The following NTN4 variants were observed in gnomAD, a reference collection of about 807,000 sequenced individuals.
NTN4 encodes the protein netrin-4.
In NTN4, 32 loss-of-function variants were observed where a neutral mutation model predicts 73.6. The ratio of observed to expected loss-of-function variants is 0.44; its 90% CI spans 0.33 to 0.58. The LOEUF is 0.58. Among genes scored for constraint, NTN4 ranks in the 20% least tolerant of loss-of-function variants. The probability of loss-of-function intolerance (pLI) is 0.04; values close to 1 mark genes in which losing one functional copy is unlikely to be tolerated. For missense variants in NTN4, 654 were observed against 798.3 expected (o/e 0.82, Z 2.18); for synonymous variants, 258 against 287.5 (o/e 0.90, Z 1.04).
At chr12:95,732,316 T>C (rs1447188627) in intron 3 of NTN4, among the ~76,000 whole-genome samples, 2 of 151,838 alleles carry the variant, frequency 1.3e-5, no homozygotes, top group East Asian at 1.9e-4. Flanking sequence ...TTAATAACTT[T>C]ATCGTTTTTA....
At chr12:95,663,726 T>G (rs1396704396) in intron 9 of NTN4, 1 of 152,246 alleles carries the variant, frequency 6.6e-6, no homozygotes, top group Non-Finnish European at 1.5e-5. Context: ...TAAACATGTT[T>G]TCAAGAATTC....
chr12:95,790,936 G>GT (rs1438681115), upstream of NTN4, among the ~76,000 whole-genome samples: 4 of 149,224 alleles, frequency 2.7e-5, 1 homozygote, highest in Non-Finnish European at 6.0e-5. This position sits in a 1 kb window ranked among gnomAD's most constrained non-coding sequence, Gnocchi z 6.5. Flanking sequence ...CCCGGGGGGG[G>GT]GGTCCCCCGC....
chr12:95,668,053 G>A (rs1372673678), intron 8 of NTN4, among the ~76,000 whole-genome samples: 1 of 151,742 alleles, frequency 6.6e-6, no homozygotes, highest in Non-Finnish European at 1.5e-5. Context: ...TATTCCACTA[G>A]ACTTGTAAGC....
chr12:95,768,865 A>T (rs12367837), intron 2 of NTN4, among the ~76,000 whole-genome samples: 52,066 of 151,920 alleles, frequency 0.34, 9,531 homozygotes, highest in East Asian at 0.62. Context: ...ATGGGATAGG[A>T]CCTGGTGGAT....
At chr12:95,676,664 G>A (rs1447831040) in intron 7 of NTN4, among the ~76,000 whole-genome samples, 1 of 150,828 alleles carries the variant, frequency 6.6e-6, no homozygotes, top group East Asian at 1.9e-4. Flanking sequence ...GACTCACAAA[G>A]GCAGAAAAGG....
intron 9 of NTN4, among the ~76,000 whole-genome samples, chr12:95,662,944 C>G (rs182327763): frequency 1.3e-5 from 2 of 152,098 alleles, no homozygotes; most frequent in Admixed American, 1.3e-4. Flanking sequence ...TAGCAAGACC[C>G]TGTCTACAAA....
rs376778123 is a variant in NTN4, at chr12:95,660,897, T to C, written c.1751-1675A>G. On this transcript the variant is annotated intron_variant, in intron 9 of 9. Transcript: ENST00000343702. The stretch of plus-strand genomic sequence containing the variant: ...CACCTGTAACAACCATACAGGCCTC[T>C]TGGAAAACGGCTTATTCCAGGTTCA... 4.0e-4 allele frequency among the ~76,000 whole-genome samples: 61 copies of C among 152,300 alleles called. No individual in the cohort carries two copies. The South Asian group carries it at 0.012, about 29-fold the overall frequency.
chr12:95,712,062 G>A (rs905185827), intron 4 of NTN4, among the ~76,000 whole-genome samples: 2 of 152,066 alleles, frequency 1.3e-5, no homozygotes, highest in African/African-American at 4.8e-5. Context: ...ATTACGTATG[G>A]GAAGAGACTT....
At chr12:95,732,018 A>G (rs1383919891) in intron 3 of NTN4, among the ~76,000 whole-genome samples, 1 of 152,252 alleles carries the variant, frequency 6.6e-6, no homozygotes, top group East Asian at 1.9e-4. Flanking sequence ...ATCAGTATTT[A>G]TAATCCATGA....
intron 5 of NTN4, among the ~76,000 whole-genome samples, chr12:95,706,447 T>C (rs1381994355): frequency 6.6e-6 from 1 of 152,196 alleles, no homozygotes; most frequent in Admixed American, 6.5e-5. Context: ...TCTTATGACT[T>C]TACAAAGCCA....
chr12:95,717,736 T>C (rs546072435), intron 3 of NTN4, among the ~76,000 whole-genome samples: 1 of 151,558 alleles, frequency 6.6e-6, no homozygotes, highest in South Asian at 2.1e-4. Context: ...TATACAAACA[T>C]GAACTAGATA....
intron 2 of NTN4, among the ~76,000 whole-genome samples, chr12:95,761,965 TCTC>T (rs768658163): frequency 6.6e-5 from 10 of 152,088 alleles, no homozygotes; most frequent in African/African-American, 1.4e-4. Context: ...CTCCTGTTTA[TCTC>T]CTCAATTAAT....
rs2078108664 is a variant in NTN4, at chr12:95,658,426, T to C, written c.*660A>G. 1 of 152,598 alleles carries C rather than the reference T, an allele frequency of 6.6e-6. No individual in the cohort carries two copies. 9.5% of individuals were successfully genotyped at this position (152,598 alleles called of 1,614,324 possible). On this transcript the variant is annotated 3_prime_UTR_variant, in exon 10 of 10. Transcript: ENST00000343702. ...ACCTAGTTTCTCCAAGTATTCAGAG[T>C]TAAATAGCACAACTTCTTTTATATG...
chr12:95,788,867 G>A (rs1052158059), intron 1 of NTN4, among the ~76,000 whole-genome samples: 3 of 152,148 alleles, frequency 2.0e-5, no homozygotes, highest in Non-Finnish European at 4.4e-5. Context: ...AAATTTCAAG[G>A]AAAATCATAT....
chr12:95,736,812 T>TG (rs2078781360), intron 3 of NTN4, among the ~76,000 whole-genome samples: 1 of 152,206 alleles, frequency 6.6e-6, no homozygotes, highest in African/African-American at 2.4e-5. Context: ...TTAGTTACCC[T>TG]GATGCTGCCC....
intron 3 of NTN4, among the ~76,000 whole-genome samples, chr12:95,722,861 T>C (rs2078659469): frequency 6.7e-6 from 1 of 148,556 alleles, no homozygotes; most frequent in Admixed American, 6.8e-5. Flanking sequence ...GTAATTCCAC[T>C]TACTTGGGAG....
At chr12:95,692,920 A>T (rs1202395498) in intron 5 of NTN4, among the ~76,000 whole-genome samples, 1 of 152,162 alleles carries the variant, frequency 6.6e-6, no homozygotes, top group Non-Finnish European at 1.5e-5. Context: ...TAATGAAGGA[A>T]GCCACAGAGA....
chr12:95,718,004 G>A (rs1190117129), intron 3 of NTN4, among the ~76,000 whole-genome samples: 1 of 152,184 alleles, frequency 6.6e-6, no homozygotes, highest in African/African-American at 2.4e-5. Flanking sequence ...TAACGCACTT[G>A]CCAGTCATTT....
rs918539827 is a variant in NTN4, at chr12:95,710,291, C to G, written c.1180+150G>C. 2.9e-5 allele frequency: 17 copies of G among 576,384 alleles called. No individual in the cohort carries two copies. The South Asian group carries it at 5.6e-4, about 19-fold the overall frequency. The allele number at this position is 576,384 out of a possible 1,614,324, so 35.7% of individuals were successfully genotyped here. A position where few individuals can be genotyped will look rare whatever the true frequency, so the allele number is the denominator to read the frequency against. ...CACCCAACTGGTTGAAAATTCTTGC[C>G]TCTTATCAATGAAGAAATTAACCGA... On this transcript the variant is annotated intron_variant, in intron 5 of 9. Transcript: ENST00000343702.
Sources: allele counts gnomAD v4.1 joint callset (sites outside exome capture counted in the v4.1 genomes callset), GRCh38; gene constraint gnomAD v4.1.1; non-coding constraint Gnocchi (gnomAD v3.1); transcripts MANE v1.5; gene names NCBI Gene and HGNC (gene_info 2026-07-23, HGNC 2026-07-21).